Variants in ERC1 observed in about 807,000 individuals in gnomAD.
ERC1 encodes RAB6 interacting protein 2.
In ERC1, 56 loss-of-function variants were observed where a neutral mutation model predicts 132.0. The ratio of observed to expected loss-of-function variants is 0.42; its 90% CI spans 0.34 to 0.53. The LOEUF (loss-of-function observed/expected upper bound fraction) is 0.53. Ranked by LOEUF, ERC1 falls within the 20% of genes least tolerant of loss-of-function variation. ERC1 has a pLI of 0.03. For synonymous variants in ERC1, 478 were observed against 476.1 expected (o/e 1.00, Z -0.05); for missense variants, 1,202 against 1,349.9 (o/e 0.89, Z 1.72).
chr12:1,389,973 A>G (rs1000448173), intron 16 of ERC1, among the ~76,000 whole-genome samples: 3 of 152,212 alleles, frequency 2.0e-5, no homozygotes, highest in African/African-American at 7.2e-5. Flanking sequence ...CACTTATTTC[A>G]TGAACTAATC....
chr12:1,418,588 T>C (rs2092245133), intron 17 of ERC1, among the ~76,000 whole-genome samples: 2 of 78,584 alleles, frequency 2.5e-5, no homozygotes, highest in African/African-American at 9.3e-5. Context: ...TTTCTTTCTT[T>C]CTCTTTCTTT....
intron 16 of ERC1, chr12:1,385,720 T>C (rs981805008): frequency 1.3e-5 from 2 of 152,218 alleles, no homozygotes; most frequent in African/African-American, 4.8e-5. Context: ...GTCACAGCAA[T>C]GTTCCCTAAG....
At chr12:1,068,275 C>T (rs1385563762) in intron 2 of ERC1, among the ~76,000 whole-genome samples, 1 of 94,466 alleles carries the variant, frequency 1.1e-5, no homozygotes, top group Non-Finnish European at 2.6e-5. Context: ...GAGAGATGTT[C>T]AAGTTTTTCA....
chr12:1,011,080 A>T (rs1964608006), intron 1 of ERC1, among the ~76,000 whole-genome samples: 1 of 152,220 alleles, frequency 6.6e-6, no homozygotes, highest in Admixed American at 6.5e-5. Flanking sequence ...GCATTTGGTG[A>T]TAGCAACTGC....
At chr12:1,102,166 A>G (rs1057057357) in intron 3 of ERC1, among the ~76,000 whole-genome samples, 1 of 152,106 alleles carries the variant, frequency 6.6e-6, no homozygotes, top group African/African-American at 2.4e-5. Context: ...AGAGTTTGCA[A>G]AGGAGGTGAA....
chr12:1,152,757 A>G, intron 8 of ERC1: 1 of 155,298 alleles, frequency 6.4e-6, no homozygotes. Context: ...AGACAGCCAG[A>G]TGTTGCACAG....
intron 2 of ERC1, among the ~76,000 whole-genome samples, chr12:1,036,090 A>G (rs138300469): frequency 0.012 from 1,839 of 152,276 alleles, 12 homozygotes; most frequent in Non-Finnish European, 0.018. Flanking sequence ...GAAATATTTC[A>G]TGAACAAAAT....
intron 14 of ERC1, among the ~76,000 whole-genome samples, chr12:1,278,548 T>G (rs1344726708): frequency 6.6e-6 from 1 of 152,216 alleles, no homozygotes; most frequent in African/African-American, 2.4e-5. Context: ...CTTCCATTTC[T>G]TCGTGTAATT....
At chr12:1,215,173 C>T (rs892421721) in intron 12 of ERC1, among the ~76,000 whole-genome samples, 2 of 152,182 alleles carry the variant, frequency 1.3e-5, no homozygotes, top group Non-Finnish European at 2.9e-5. Flanking sequence ...GATATCATCT[C>T]ATTGTCTTCA....
chr12:1,134,509 G>A (rs1312696086), intron 7 of ERC1, among the ~76,000 whole-genome samples: 3 of 151,786 alleles, frequency 2.0e-5, no homozygotes, highest in African/African-American at 7.3e-5. Context: ...ACCACACTTG[G>A]CTAATTAAAA....
chr12:1,220,365 G>A (rs897995973), intron 12 of ERC1, among the ~76,000 whole-genome samples: 2 of 152,084 alleles, frequency 1.3e-5, no homozygotes, highest in African/African-American at 2.4e-5. Context: ...TTAACTCTTG[G>A]CAGGCATTCA....
chr12:1,004,612 G>A (rs891594937), intron 1 of ERC1, among the ~76,000 whole-genome samples: 7 of 151,576 alleles, frequency 4.6e-5, no homozygotes, highest in South Asian at 2.1e-4. Flanking sequence ...TCACCGTGTT[G>A]GCCAGGCTGG....
At chr12:1,132,525 G>GA (rs1948862121) in intron 7 of ERC1, among the ~76,000 whole-genome samples, 2 of 152,050 alleles carry the variant, frequency 1.3e-5, no homozygotes, top group Non-Finnish European at 2.9e-5. Context: ...ATGTTTCCAG[G>GA]TCACTTAACT....
intron 1 of ERC1, among the ~76,000 whole-genome samples, chr12:1,001,533 C>T (rs1406985817): frequency 6.6e-6 from 1 of 152,238 alleles, no homozygotes; most frequent in Non-Finnish European, 1.5e-5. Context: ...GTCCTTCTCT[C>T]ATAAAGGTAA....
chr12:1,130,632 CT>C (rs201618993), intron 7 of ERC1, among the ~76,000 whole-genome samples: 18 of 147,116 alleles, frequency 1.2e-4, no homozygotes, highest in African/African-American at 4.0e-4. Flanking sequence ...AACGTATAGT[CT>C]TTTTTTTTTT....
intron 16 of ERC1, among the ~76,000 whole-genome samples, chr12:1,394,647 C>T (rs781721116): frequency 5.9e-5 from 9 of 152,012 alleles, no homozygotes; most frequent in African/African-American, 2.2e-4. Context: ...TAAAAGTGTG[C>T]GATACTTCCC....
intron 17 of ERC1, chr12:1,430,200 A>G (rs1000025135): frequency 2.0e-5 from 3 of 152,176 alleles, no homozygotes; most frequent in African/African-American, 7.2e-5. Context: ...GAGTGATCCA[A>G]GAGATGAGAG....
At chr12:1,022,518 G>A (rs1047720249) in intron 1 of ERC1, among the ~76,000 whole-genome samples, 1 of 152,134 alleles carries the variant, frequency 6.6e-6, no homozygotes, top group African/African-American at 2.4e-5. Context: ...ACTGACTGGG[G>A]ACTGTTACCG....
intron 15 of ERC1, among the ~76,000 whole-genome samples, chr12:1,310,114 A>ATT (rs1416820403): frequency 1.3e-5 from 2 of 151,798 alleles, no homozygotes; most frequent in Non-Finnish European, 2.9e-5. Context: ...TGCCTGGCTA[A>ATT]TTTTTTGTAT....
Sources: gnomAD v4.1 joint callset for allele counts (sites outside exome capture counted in the v4.1 genomes callset) on GRCh38, gnomAD v4.1.1 for gene constraint, MANE v1.5 for transcripts, NCBI Gene and HGNC (gene_info 2026-07-23, HGNC 2026-07-21) for gene names.